NRG4: variants seen among roughly 807,000 people sequenced by gnomAD.
NRG4 encodes the protein pro-neuregulin-4, membrane-bound isoform.
In NRG4, 10 loss-of-function variants were observed where a neutral mutation model predicts 15.0. That is an observed-to-expected ratio of 0.67 (90% CI 0.41 to 1.13). The LOEUF (loss-of-function observed/expected upper bound fraction) is 1.13, where lower values mean the gene tolerates loss of function less well. Ranked by LOEUF, NRG4 falls within the 50% of genes most tolerant of loss-of-function variation. The pLI is 0.00. For missense variants in NRG4, 139 were observed against 140.2 expected (o/e 0.99, Z 0.04); for synonymous variants, 41 against 50.1 (o/e 0.82, Z 0.77).
intron 3 of NRG4, among the ~76,000 whole-genome samples, chr15:75,985,974 C>T (rs1400831166): frequency 6.6e-6 from 1 of 152,074 alleles, no homozygotes; most frequent in Non-Finnish European, 1.5e-5. Context: ...TATAAGAATA[C>T]AACTTAATAG....
intron 3 of NRG4, among the ~76,000 whole-genome samples, chr15:76,004,668 AAAAT>A (rs748791165): frequency 4.1e-4 from 63 of 152,134 alleles, no homozygotes; most frequent in Middle Eastern, 3.4e-3. Context: ...AGTAAAATAG[AAAAT>A]AACAAAAAAG....
chr15:76,006,887 A>G (rs1280396892), intron 3 of NRG4, among the ~76,000 whole-genome samples: 2 of 152,174 alleles, frequency 1.3e-5, no homozygotes, highest in Non-Finnish European at 2.9e-5. Context: ...CTTTCTTTCA[A>G]CTTATTCAGT....
chr15:76,051,566 T>TTC (rs1182548904), intron 4 of NRG4, among the ~76,000 whole-genome samples: 5 of 136,524 alleles, frequency 3.7e-5, no homozygotes, highest in African/African-American at 1.4e-4. Flanking sequence ...AACAATCTTC[T>TTC]TTTTTTTTTT....
upstream of NRG4, among the ~76,000 whole-genome samples, chr15:76,017,074 A>G (rs2034999639): frequency 2.1e-5 from 3 of 145,294 alleles, no homozygotes; most frequent in Admixed American, 2.1e-4. Context: ...CTTTACCATT[A>G]TGTAATGCCC....
At chr15:75,963,818 C>T (rs901803814) in intron 3 of NRG4, among the ~76,000 whole-genome samples, 5 of 151,514 alleles carry the variant, frequency 3.3e-5, no homozygotes, top group South Asian at 2.1e-4. Flanking sequence ...ATGGTTGTAC[C>T]CGTAGTCCCA....
At chr15:75,984,986 A>C (rs2033744914) in intron 3 of NRG4, among the ~76,000 whole-genome samples, 1 of 152,124 alleles carries the variant, frequency 6.6e-6, no homozygotes, top group South Asian at 2.1e-4. Context: ...CTGTGACTAC[A>C]GGCACGCCTC....
At chr15:76,047,333 T>G (rs1293235594) in intron 4 of NRG4, among the ~76,000 whole-genome samples, 1 of 150,986 alleles carries the variant, frequency 6.6e-6, no homozygotes, top group East Asian at 1.9e-4. Flanking sequence ...CCGTCTATAC[T>G]GCAGCACTAT....
chr15:76,029,542 C>CA (rs1386695836), intron 5 of NRG4, among the ~76,000 whole-genome samples: 1 of 152,032 alleles, frequency 6.6e-6, no homozygotes, highest in Non-Finnish European at 1.5e-5. Flanking sequence ...AAGACTCTAC[C>CA]AAAAAACTCT....
At chr15:75,959,272 GC>G (rs886404050) in intron 4 of NRG4, 1 of 193,770 alleles carries the variant, frequency 5.2e-6, no homozygotes, top group Non-Finnish European at 1.1e-5. Context: ...ACAGCACCTG[GC>G]CCAAGTTCTA....
chr15:76,039,842 G>A (rs1226560609), intron 4 of NRG4, among the ~76,000 whole-genome samples: 1 of 152,202 alleles, frequency 6.6e-6, no homozygotes, highest in Non-Finnish European at 1.5e-5. Flanking sequence ...GAGGCCAGGA[G>A]TTTGAGACCA....
intron 5 of NRG4, among the ~76,000 whole-genome samples, chr15:76,033,766 G>A (rs1298856535): frequency 6.6e-6 from 1 of 152,048 alleles, no homozygotes; most frequent in East Asian, 1.9e-4. Context: ...TCACATCTAA[G>A]GTCAAACCCA....
intron 3 of NRG4, among the ~76,000 whole-genome samples, chr15:75,996,090 T>C (rs1567099188): frequency 1.3e-5 from 2 of 152,198 alleles, no homozygotes; most frequent in African/African-American, 2.4e-5. Flanking sequence ...AATGCCTGGC[T>C]CACATCAACT....
chr15:75,992,637 A>G (rs1182992227), intron 3 of NRG4, among the ~76,000 whole-genome samples: 2 of 152,174 alleles, frequency 1.3e-5, no homozygotes, highest in Non-Finnish European at 2.9e-5. Flanking sequence ...CACCACGTCC[A>G]TGAGCAATCA....
intron 3 of NRG4, among the ~76,000 whole-genome samples, chr15:75,994,406 T>C (rs2034136046): frequency 6.6e-6 from 1 of 152,150 alleles, no homozygotes; most frequent in Non-Finnish European, 1.5e-5. Flanking sequence ...CCACTATGTG[T>C]TGAATTGATT....
chr15:76,002,523 A>G lies in NRG4; in HGVS notation c.104+6677T>C, dbSNP rs2034450542. The stretch of plus-strand genomic sequence containing the variant: ...CAGTAAGTTCATTAAATGCAGATGG[A>G]CTAAACTGACTAAATCATACAATTA... On this transcript the variant is annotated intron_variant, in intron 3 of 5. Coordinates refer to ENST00000394907, the MANE Select transcript of NRG4 (RefSeq NM_138573.4). 2.0e-5 allele frequency among the ~76,000 whole-genome samples: 3 copies of G among 152,154 alleles called. No individual in the cohort carries two copies. In the South Asian group the frequency reaches 6.2e-4, roughly 32 times the overall value.
chr15:76,006,144 TAAG>T (rs948914179), intron 3 of NRG4, among the ~76,000 whole-genome samples: 1 of 152,112 alleles, frequency 6.6e-6, no homozygotes, highest in Non-Finnish European at 1.5e-5. Flanking sequence ...ATATTGATAG[TAAG>T]AACAGAAAGG....
downstream of NRG4, chr15:75,940,746 T>C (rs1382779406): frequency 6.7e-6 from 1 of 149,054 alleles, no homozygotes; most frequent in African/African-American, 2.5e-5. Flanking sequence ...GATAGTTTTT[T>C]CAACAAATAA....
chr15:76,013,742 T>C (rs936531930), upstream of NRG4, among the ~76,000 whole-genome samples: 3 of 152,212 alleles, frequency 2.0e-5, no homozygotes, highest in Non-Finnish European at 2.9e-5. Context: ...CAGTCTATCA[T>C]TGAGGGGAAT....
chr15:75,982,593 G>T (rs2033647203), intron 3 of NRG4, among the ~76,000 whole-genome samples: 1 of 152,156 alleles, frequency 6.6e-6, no homozygotes, highest in Non-Finnish European at 1.5e-5. Flanking sequence ...AGAATGAAGA[G>T]ATAAAGACAG....
Sources: allele counts gnomAD v4.1 joint callset (sites outside exome capture counted in the v4.1 genomes callset), GRCh38; gene constraint gnomAD v4.1.1; transcripts MANE v1.5; gene names NCBI Gene and HGNC (gene_info 2026-07-23, HGNC 2026-07-21).